VSIG1: variants seen among roughly 807,000 people sequenced by gnomAD.
VSIG1 encodes V-set and immunoglobulin domain containing 1.
VSIG1 carries 11 observed loss-of-function variants against 20.1 expected under a neutral mutation model. That is an observed-to-expected ratio of 0.55 (90% CI 0.34 to 0.91). VSIG1 has a LOEUF of 0.91. Among genes scored for constraint, VSIG1 ranks in the 40% least tolerant of loss-of-function variants. The pLI, the probability that VSIG1 is intolerant of heterozygous loss-of-function variation, is 0.02. For missense variants in VSIG1, 283 were observed against 298.8 expected (o/e 0.95, Z 0.39); for synonymous variants, 126 against 116.7 (o/e 1.08, Z -0.52).
intron 1 of VSIG1, among the ~76,000 whole-genome samples, 167 bp downstream of exon 1, chrX:108,045,346 G>A (rs2030550262): frequency 8.0e-5 from 9 of 112,394 alleles, no homozygotes; most frequent in Admixed American, 7.5e-4. Context: ...CATATGCCAT[G>A]CTGATATATT....
At chrX:108,048,525 G>C (rs1232934957) in intron 1 of VSIG1, among the ~76,000 whole-genome samples, 1 of 112,148 alleles carries the variant, frequency 8.9e-6, no homozygotes, top group Non-Finnish European at 1.9e-5. Flanking sequence ...TTGCGTTCTT[G>C]GGTTTTGTTT....
chrX:108,024,122 A>G, the VSIG1 span, among the ~76,000 whole-genome samples: 1 of 111,630 alleles, frequency 9.0e-6, no homozygotes, highest in Non-Finnish European at 1.9e-5. Flanking sequence ...TAGAACACTG[A>G]CTCAATTCCT....
chrX:108,025,545 A>C, the VSIG1 span, among the ~76,000 whole-genome samples: 5 of 112,515 alleles, frequency 4.4e-5, no homozygotes, highest in African/African-American at 1.6e-4. Flanking sequence ...TCTCAACCAC[A>C]TACAAATATA....
At position 108,077,794 on chromosome X, in the gene VSIG1, G is replaced by C; in HGVS notation, c.*413G>C. On this transcript the variant is annotated 3_prime_UTR_variant, in exon 7 of 7. Transcript: ENST00000217957. ...GCGATCTCGGCTCACTGCAACCTCC[G>C]CTCCCTGGGTTCAAGCGATTCTCCT... The C allele has an allele frequency of 1.7e-5, 2 of 120,095 alleles. No homozygotes were observed. Among genetic ancestry groups the C allele is most frequent in the Non-Finnish European group, 3.4e-5 (2 of 58,207 alleles). 9.9% of individuals were successfully genotyped at this position (120,095 alleles called of 1,213,427 possible).
chrX:108,047,941 T>TATACAC (rs2030666753), intron 1 of VSIG1, among the ~76,000 whole-genome samples: 1 of 26,432 alleles, frequency 3.8e-5, no homozygotes, highest in Non-Finnish European at 5.9e-5. Flanking sequence ...TATACACATA[T>TATACAC]ATATATATAT....
chrX:108,042,174 A>G (rs1156777973), upstream of VSIG1, among the ~76,000 whole-genome samples: 1 of 112,113 alleles, frequency 8.9e-6, no homozygotes, highest in Admixed American at 9.5e-5. Context: ...GTTATAACAG[A>G]ATTCTTCCTG....
chrX:108,073,073 G>A (rs1172768046), intron 4 of VSIG1, among the ~76,000 whole-genome samples, 177 bp from the exon 5 acceptor site: 1 of 111,561 alleles, frequency 9.0e-6, no homozygotes, highest in Non-Finnish European at 1.9e-5. Flanking sequence ...GTAGGGAACA[G>A]GCATGGTCCC....
chrX:108,052,213 C>T (rs1213744922), intron 1 of VSIG1, among the ~76,000 whole-genome samples: 8 of 111,014 alleles, frequency 7.2e-5, no homozygotes, highest in African/African-American at 9.8e-5. Flanking sequence ...ATGAACTTAT[C>T]CACGTAACCA....
At chrX:108,029,870 G>A in the VSIG1 span, among the ~76,000 whole-genome samples, 1 of 111,480 alleles carries the variant, frequency 9.0e-6, no homozygotes, top group Non-Finnish European at 1.9e-5. Context: ...GGGAGGCCAG[G>A]ATAAAGTCAG....
chrX:108,071,827 C>G (rs1400088653), intron 3 of VSIG1, among the ~76,000 whole-genome samples: 1 of 103,599 alleles, frequency 9.7e-6, no homozygotes, highest in Admixed American at 1.1e-4. Context: ...ACTTCCCCTA[C>G]TGATGATGCA....
chrX:108,023,561 C>T, the VSIG1 span, among the ~76,000 whole-genome samples: 13 of 111,927 alleles, frequency 1.2e-4, no homozygotes, highest in Admixed American at 2.8e-4. Flanking sequence ...AGCAGTGTAA[C>T]CATCTGGTCC....
chrX:108,026,695 C>T, the VSIG1 span, among the ~76,000 whole-genome samples: 3 of 111,100 alleles, frequency 2.7e-5, no homozygotes, highest in Non-Finnish European at 5.7e-5. Context: ...GAAGTAGTGA[C>T]GGCATACTTA....
intron 1 of VSIG1, 71 bp downstream of exon 1, chrX:108,045,250 T>C: frequency 2.2e-6 from 2 of 928,321 alleles, no homozygotes; most frequent in Non-Finnish European, 3.0e-6. Flanking sequence ...AAATTCCACA[T>C]TTTTACATAG....
At chrX:108,057,545 C>T (rs1319468258) in intron 1 of VSIG1, among the ~76,000 whole-genome samples, 1 of 112,041 alleles carries the variant, frequency 8.9e-6, no homozygotes, top group East Asian at 2.8e-4. Flanking sequence ...TTTCCTAGAA[C>T]TGCATGTGAA....
intron 3 of VSIG1, among the ~76,000 whole-genome samples, chrX:108,069,404 G>T (rs1364692112): frequency 8.9e-6 from 1 of 111,762 alleles, no homozygotes; most frequent in African/African-American, 3.3e-5. Flanking sequence ...TCCTCCAAAT[G>T]TAGGCTTTTT....
chrX:108,040,908 G>T (rs1447103746), upstream of VSIG1, among the ~76,000 whole-genome samples: 1 of 110,535 alleles, frequency 9.0e-6, no homozygotes, highest in Non-Finnish European at 1.9e-5. Context: ...ACAGAAAAAG[G>T]TCTGAGAAAA....
intron 2 of VSIG1, among the ~76,000 whole-genome samples, chrX:108,059,726 G>A (rs1453276835): frequency 8.9e-6 from 1 of 112,050 alleles, no homozygotes; most frequent in Non-Finnish European, 1.9e-5. Context: ...GATTGTAGAT[G>A]GCAATAATCA....
chrX:108,030,264 C>T, the VSIG1 span, among the ~76,000 whole-genome samples: 1 of 111,765 alleles, frequency 8.9e-6, no homozygotes, highest in South Asian at 3.7e-4. Flanking sequence ...CCTGAAAGGC[C>T]AGAGAACTCC....
At chrX:108,033,442 A>G in the VSIG1 span, among the ~76,000 whole-genome samples, 16 of 111,880 alleles carry the variant, frequency 1.4e-4, no homozygotes, top group South Asian at 3.8e-4. Context: ...ATGCTGCTGC[A>G]CCCAGGTGTA....
Sources: gnomAD v4.1 joint callset for allele counts (sites outside exome capture counted in the v4.1 genomes callset) on GRCh38, gnomAD v4.1.1 for gene constraint, MANE v1.5 for transcripts, NCBI Gene and HGNC (gene_info 2026-07-23, HGNC 2026-07-21) for gene names.